The following CFAP61 variants were observed in gnomAD, a reference collection of about 807,000 sequenced individuals.
CFAP61 encodes cilia and flagella associated protein 61, also known as cilia- and flagella-associated protein 61.
A neutral mutation model predicts 135.6 loss-of-function variants in CFAP61; 107 were observed. The ratio of observed to expected loss-of-function variants is 0.79; its 90% CI spans 0.67 to 0.93. The LOEUF (loss-of-function observed/expected upper bound fraction) is 0.93. Among genes scored for constraint, CFAP61 ranks in the 40% least tolerant of loss-of-function variants. CFAP61 has a pLI of 0.00. For missense variants in CFAP61, 1,507 were observed against 1,556.2 expected (o/e 0.97, Z 0.53); for synonymous variants, 575 against 578.5 (o/e 0.99, Z 0.09).
chr20:20,105,331 T>G (rs2048306958), intron 8 of CFAP61, among the ~76,000 whole-genome samples: 1 of 152,122 alleles, frequency 6.6e-6, no homozygotes, highest in South Asian at 2.1e-4. Flanking sequence ...CCCAGGAGGC[T>G]AGGGTGAGTT....
intron 8 of CFAP61, among the ~76,000 whole-genome samples, chr20:20,129,775 T>G (rs527678624): frequency 1.3e-4 from 19 of 151,702 alleles, no homozygotes; most frequent in African/African-American, 4.6e-4. Flanking sequence ...TGATTATGTA[T>G]TTTCAAATAG....
intron 11 of CFAP61, among the ~76,000 whole-genome samples, chr20:20,164,847 C>T (rs1238327796): frequency 1.3e-5 from 2 of 152,152 alleles, no homozygotes; most frequent in African/African-American, 4.8e-5. Flanking sequence ...CTGGGGAGGC[C>T]TCACGATCAT....
chr20:20,225,129 C>G (rs966587898), intron 17 of CFAP61, among the ~76,000 whole-genome samples: 12 of 152,102 alleles, frequency 7.9e-5, no homozygotes, highest in Non-Finnish European at 2.9e-5. Context: ...AAAAAATAAC[C>G]TGTGCTTCCT....
intron 20 of CFAP61, among the ~76,000 whole-genome samples, chr20:20,258,834 C>G (rs376992459): frequency 6.6e-6 from 1 of 152,190 alleles, no homozygotes; most frequent in South Asian, 2.1e-4. Context: ...ACACTGAGGT[C>G]ACTGCCATTG....
intron 6 of CFAP61, 124 bp downstream of exon 6, chr20:20,075,739 A>T: frequency 1.0e-6 from 1 of 954,322 alleles, no homozygotes; most frequent in Non-Finnish European, 1.6e-6. Context: ...AATACTCATA[A>T]GCATTACTTC....
intron 6 of CFAP61, among the ~76,000 whole-genome samples, 148 bp from the exon 7 acceptor site, chr20:20,090,688 CAAAAAAAA>C (rs138798717): frequency 4.9e-5 from 5 of 102,970 alleles, no homozygotes; most frequent in African/African-American, 1.1e-4. Context: ...GACTCCCTCT[CAAAAAAAA>C]AAAAAAAAAA....
At chr20:20,118,886 T>A (rs1039939318) in intron 8 of CFAP61, among the ~76,000 whole-genome samples, 7 of 152,028 alleles carry the variant, frequency 4.6e-5, no homozygotes, top group Non-Finnish European at 1.0e-4. Flanking sequence ...TTTTGCAATG[T>A]TTCCCAGGTT....
At chr20:20,075,443 T>TA (rs1285765345) in intron 5 of CFAP61, 46 bp from the exon 6 acceptor site, 1 of 1,605,286 alleles carries the variant, frequency 6.2e-7, no homozygotes, top group South Asian at 1.1e-5. Context: ...ATCCCAAATT[T>TA]ATTTCTTGAT....
Position 20,130,015 on chromosome 20 carries a change from C to T in CFAP61, c.860-12842C>T, listed in dbSNP as rs116759281. 1.1e-3 allele frequency among the ~76,000 whole-genome samples: 172 copies of T among 151,654 alleles called. 10 individuals carry two copies. The highest frequency in any genetic ancestry group is 3.9e-3 in the African/African-American group (159 of 41,072). On this transcript the variant is annotated intron_variant, in intron 8 of 26. Transcript: ENST00000245957. Reference sequence around the variant, plus strand: ...TCTTAAAGATCACTGAGTAGCCGGGCGCGATGGCTTACACCTGTAATCACA... The same window carrying T: ...TCTTAAAGATCACTGAGTAGCCGGGTGCGATGGCTTACACCTGTAATCACA...
chr20:20,340,677 C>T (rs566082480), intron 25 of CFAP61, among the ~76,000 whole-genome samples: 11 of 152,192 alleles, frequency 7.2e-5, no homozygotes, highest in East Asian at 1.9e-4. Flanking sequence ...CGCCACCAGA[C>T]GGAGGTGGCC....
At chr20:20,264,822 G>A (rs969640366) in intron 21 of CFAP61, among the ~76,000 whole-genome samples, 2 of 152,174 alleles carry the variant, frequency 1.3e-5, no homozygotes, top group Non-Finnish European at 2.9e-5. Flanking sequence ...AGCTTGGGAG[G>A]TCAAGGCTGC....
At chr20:20,317,839 G>A (rs1000269) in intron 25 of CFAP61, among the ~76,000 whole-genome samples, 75,880 of 152,066 alleles carry the variant, frequency 0.5, 19,277 homozygotes, top group African/African-American at 0.58. Context: ...AAATAGGAAA[G>A]TGTACACCAC....
chr20:20,305,585 A>G (rs924722110), intron 25 of CFAP61, among the ~76,000 whole-genome samples: 2 of 152,092 alleles, frequency 1.3e-5, no homozygotes, highest in African/African-American at 4.8e-5. Context: ...CATCCCTCAC[A>G]CGCTTCCCTG....
At chr20:20,218,766 C>T (rs979837455) in intron 17 of CFAP61, among the ~76,000 whole-genome samples, 13 of 152,170 alleles carry the variant, frequency 8.5e-5, no homozygotes, top group Admixed American at 1.3e-4. Flanking sequence ...CTGGTAGATC[C>T]TTGATATGTA....
At chr20:20,280,111 G>A (rs887787307) in intron 22 of CFAP61, among the ~76,000 whole-genome samples, 5 of 152,120 alleles carry the variant, frequency 3.3e-5, no homozygotes, top group South Asian at 4.1e-4. Flanking sequence ...AGCCTTTGTC[G>A]ATGTAAGCAA....
At chr20:20,301,115 G>A (rs541933287) in intron 25 of CFAP61, among the ~76,000 whole-genome samples, 23 of 152,012 alleles carry the variant, frequency 1.5e-4, no homozygotes, top group African/African-American at 5.3e-4. Flanking sequence ...CGAGGCCTTC[G>A]CACCCACTCA....
In CFAP61 at chr20:20,082,281, A is replaced by G. The variant is rs146086935; in HGVS notation, c.566+6666A>G. ...CAGTGAAGGGTTTGGGGATGTAATTATCCTTCAGCCATTTGGCTAGTGACA... is the reference window on the plus strand; with the variant it reads ...CAGTGAAGGGTTTGGGGATGTAATTGTCCTTCAGCCATTTGGCTAGTGACA... On this transcript the variant is annotated intron_variant, in intron 6 of 26. Coordinates refer to ENST00000245957, the MANE Select transcript of CFAP61 (RefSeq NM_015585.4). Among the ~76,000 whole-genome samples, 390 of 152,366 alleles carry G rather than the reference A, an allele frequency of 2.6e-3. 2 individuals are homozygous for G. The highest frequency in any genetic ancestry group is 8.8e-3 in the African/African-American group (367 of 41,588).
At chr20:20,238,254 C>G (rs919907997) in intron 18 of CFAP61, among the ~76,000 whole-genome samples, 2 of 152,142 alleles carry the variant, frequency 1.3e-5, no homozygotes, top group African/African-American at 2.4e-5. Flanking sequence ...TTCTAAACTC[C>G]ACCTATAGTA....
chr20:20,132,894 T>G (rs2050650838), intron 8 of CFAP61, among the ~76,000 whole-genome samples: 1 of 152,160 alleles, frequency 6.6e-6, no homozygotes, highest in South Asian at 2.1e-4. Flanking sequence ...ATTTTAGATG[T>G]GTTGCCCATA....
Sources: allele counts gnomAD v4.1 joint callset (sites outside exome capture counted in the v4.1 genomes callset), GRCh38; gene constraint gnomAD v4.1.1; transcripts MANE v1.5; gene names NCBI Gene and HGNC (gene_info 2026-07-23, HGNC 2026-07-21).